NYAP1: variants seen among roughly 807,000 people sequenced by gnomAD.
NYAP1 encodes the protein neuronal tyrosine phosphorylated phosphoinositide-3-kinase adaptor 1.
Under a neutral mutation model 58.6 loss-of-function variants are expected in NYAP1, and 20 were observed. That is an observed-to-expected ratio of 0.34 (90% CI 0.24 to 0.50). The LOEUF is 0.50. NYAP1 is among the 20% of genes least tolerant of loss of function. The pLI is 0.98. For synonymous variants in NYAP1, 572 were observed against 523.1 expected (o/e 1.09, Z -1.27); for missense variants, 1,150 against 1,194.5 (o/e 0.96, Z 0.55).
In NYAP1 at chr7:100,487,989, A is replaced by G. The variant is rs1209634249; in HGVS notation, c.431-163A>G. 3.3e-5 allele frequency among the ~76,000 whole-genome samples: 5 copies of G among 152,318 alleles called. 1 individual carries two copies. Among genetic ancestry groups the G allele is most frequent in the African/African-American group, 1.2e-4 (5 of 41,562 alleles). On this transcript the variant is annotated intron_variant, in intron 3 of 6. Transcript: ENST00000300179. This position sits in a 1 kb window ranked among gnomAD's most constrained non-coding sequence, Gnocchi z 4.1. ...AAGACCCATCTCTATTAAAAAATAAAAAAGAAATGAAGAAACCTCCTGGGG... is the reference window on the plus strand; with the variant it reads ...AAGACCCATCTCTATTAAAAAATAAGAAAGAAATGAAGAAACCTCCTGGGG...
chr7:100,489,420 C>T lies in NYAP1; in HGVS notation c.1699C>T (p.Leu567Phe). The change falls in exon 4 of 7, where the codon CTC becomes TTC. Residue 567 changes from leucine (L) to phenylalanine (F), a missense_variant. By Grantham distance (22) the Leu-to-Phe change is conservative. Transcript: ENST00000300179. ...GLKRPPAYES[L>F]KAGGVLNKGC... The stretch of plus-strand genomic sequence containing the variant: ...CAAGAGACCCCCTGCCTATGAGAGC[C>T]TCAAGGCTGGGGGGGTGCTGAATAA... 6.2e-7 allele frequency: 1 copy of T among 1,612,988 alleles called. No individual in the cohort carries two copies. Among genetic ancestry groups the T allele is most frequent in the Non-Finnish European group, 8.5e-7 (1 of 1,179,890 alleles).
At chr7:100,493,041 C>T (rs1242313722) in intron 6 of NYAP1, among the ~76,000 whole-genome samples, 1 of 151,886 alleles carries the variant, frequency 6.6e-6, no homozygotes, top group African/African-American at 2.4e-5. Context: ...AGGGAGGGAC[C>T]TTGTCTACCC....
Position 100,488,108 on chromosome 7 carries a change from T to G in NYAP1, c.431-44T>G, listed in dbSNP as rs374679378. On this transcript the variant is annotated intron_variant, in intron 3 of 6. Transcript: ENST00000300179. The surrounding 1 kb of genome is among the most constrained non-coding windows in gnomAD (Gnocchi z 5.9). ...AATGGGCTCCTCCCACTTGCTCCCC[T>G]CATTAAAAGCCTGGTTTATTTTTCT... 1 of 1,461,346 alleles carries G rather than the reference T, an allele frequency of 6.8e-7. No homozygotes were observed. Among genetic ancestry groups the G allele is most frequent in the Non-Finnish European group, 9.2e-7 (1 of 1,083,512 alleles). The allele number at this position is 1,461,346 out of a possible 1,614,324, so 90.5% of individuals were successfully genotyped here.
In NYAP1 at chr7:100,487,565, G is replaced by C. The variant is rs904289247; in HGVS notation, c.430+383G>C. On this transcript the variant is annotated intron_variant, in intron 3 of 6. Coordinates refer to ENST00000300179, the MANE Select transcript of NYAP1 (RefSeq NM_173564.4). The surrounding 1 kb of genome is among the most constrained non-coding windows in gnomAD (Gnocchi z 4.1). The stretch of plus-strand genomic sequence containing the variant: ...TGCCCAGGCAGGAGTGCAGTGGTGC[G>C]ATCTCAGCTCACTGCATCCTCCGCC... 6.6e-6 allele frequency among the ~76,000 whole-genome samples: 1 copy of C among 152,058 alleles called. No homozygotes were observed.
Position 100,493,722 on chromosome 7 carries a change from T to A in NYAP1, c.2345T>A (p.Val782Glu). ...GAGCGTGACGGGAAGCTGCTGGAGG[T>A]GATCGAGCGCAAGCGCTGCGTGTGC... ...ARERDGKLLE[V>E]IERKRCVCKE... is the part of the protein sequence containing the mutation. The change falls in exon 7 of 7, where the codon GTG (valine) becomes GAG (glutamate). Residue 782 changes from valine to glutamate, a missense_variant. Coordinates refer to ENST00000300179, the MANE Select transcript of NYAP1 (RefSeq NM_173564.4). 6.2e-7 allele frequency: 1 copy of A among 1,600,900 alleles called. No homozygotes were observed. The highest frequency in any genetic ancestry group is 8.5e-7 in the Non-Finnish European group (1 of 1,176,988).
rs959739987 is a variant in NYAP1 at position 100,488,932 on chromosome 7, G to T, written c.1211G>T (p.Arg404Leu). The change falls in exon 4 of 7, where the codon CGG becomes CTG. Residue 404 changes from arginine to leucine, a missense_variant. Coordinates refer to ENST00000300179, the MANE Select transcript of NYAP1 (RefSeq NM_173564.4). This position sits in a 1 kb window ranked among gnomAD's most constrained non-coding sequence, Gnocchi z 5.9. ...CTGCTGGGACCATCGGGCCGGGCCCGGAGCCACTCGACACCGTTGCCACCC... is the reference window on the plus strand; with the variant it reads ...CTGCTGGGACCATCGGGCCGGGCCCTGAGCCACTCGACACCGTTGCCACCC... Reference protein sequence around the residue: ...LLLLGPSGRARSHSTPLPPQG... With the variant: ...LLLLGPSGRALSHSTPLPPQG... 1.9e-6 allele frequency: 3 copies of T among 1,573,962 alleles called. No homozygotes were observed. Among genetic ancestry groups the T allele is most frequent in the Non-Finnish European group, 2.6e-6 (3 of 1,167,150 alleles).
Position 100,491,058 on chromosome 7 carries a change from C to T in NYAP1, c.2231C>T (p.Pro744Leu). ...SGVRQVVLHT[P>L]RPCSQPRDAL... The stretch of plus-strand genomic sequence containing the variant: ...GTCCGGCAGGTCGTGCTCCACACAC[C>T]CCGGCCCTGCAGCCAGCCCAGGGAT... The change falls in exon 6 of 7, where the codon CCC becomes CTC. Residue 744 changes from proline to leucine, a missense_variant. Pro to Leu is a moderately conservative substitution (Grantham distance 98). Coordinates refer to ENST00000300179, the MANE Select transcript of NYAP1 (RefSeq NM_173564.4). The T allele has an allele frequency of 2.6e-6, 4 of 1,559,446 alleles. No homozygotes were observed. The highest frequency in any genetic ancestry group is 2.4e-5 in the South Asian group (2 of 84,578).
In NYAP1 at chr7:100,494,152, G is replaced by T. The variant is rs1185169537; in HGVS notation, c.*249G>T. 2.2e-6 allele frequency: 1 copy of T among 458,432 alleles called. No individual in the cohort carries two copies. The highest frequency in any genetic ancestry group is 2.1e-5 in the African/African-American group (1 of 48,550). The allele number at this position is 458,432 out of a possible 1,614,324, so 28.4% of individuals were successfully genotyped here. On this transcript the variant is annotated 3_prime_UTR_variant, in exon 7 of 7. Transcript: ENST00000300179. The stretch of plus-strand genomic sequence containing the variant: ...TGAGGTTGGGGCGAGAGTCGCTCTG[G>T]CTGTTCTTCCCGCTGGGCGTTGTAC...
Position 100,489,283 on chromosome 7 carries a change from C to T in NYAP1, c.1562C>T (p.Ala521Val), listed in dbSNP as rs1303967488. 6.3e-7 allele frequency: 1 copy of T among 1,599,290 alleles called. No individual in the cohort carries two copies. The highest frequency in any genetic ancestry group is 8.5e-7 in the Non-Finnish European group (1 of 1,173,826). ...TSPHGGAMGA[A>V]AGVLHHRGCL... ...CCCCACGGTGGGGCCATGGGCGCAG[C>T]AGCTGGGGTCCTCCACCACCGCGGC... Residue 521 changes from alanine to valine, a missense_variant, in exon 4 of 7, where the codon GCA (alanine) becomes GTA (valine). Ala to Val is a moderately conservative substitution (Grantham distance 64, BLOSUM62 0). Coordinates refer to ENST00000300179, the MANE Select transcript of NYAP1 (RefSeq NM_173564.4).
In NYAP1 at chr7:100,494,007, A is replaced by AGTG; in HGVS notation, c.*105_*107dup. 1 of 1,041,450 alleles carries AGTG rather than the reference A, an allele frequency of 9.6e-7. No individual in the cohort carries two copies. Among genetic ancestry groups the AGTG allele is most frequent in the Non-Finnish European group, 1.3e-6 (1 of 764,190 alleles). The allele number at this position is 1,041,450 out of a possible 1,614,324, so 64.5% of individuals were successfully genotyped here. A position where few individuals can be genotyped will look rare whatever the true frequency, so the allele number is the denominator to read the frequency against. On this transcript the variant is annotated 3_prime_UTR_variant, in exon 7 of 7. Coordinates refer to ENST00000300179, the MANE Select transcript of NYAP1 (RefSeq NM_173564.4). ...GAGACATTGAAAGACTACGTGGGAG[A>AGTG]GTGCCAGGGAGAACCCCTGCCCTCC...
chr7:100,486,371 G>A lies in NYAP1; in HGVS notation c.69-450G>A, dbSNP rs570302921. ...GGGGCACATCCTGCATCTGGGAGAG[G>A]AGGTGTGCCGTGGGGGCAGAGGTCA... is the stretch of plus-strand genomic sequence containing the variant. On this transcript the variant is annotated intron_variant, in intron 2 of 6. Transcript: ENST00000300179. The surrounding 1 kb of genome is among the most constrained non-coding windows in gnomAD (Gnocchi z 6.2). 6.6e-6 allele frequency among the ~76,000 whole-genome samples: 1 copy of A among 152,262 alleles called. No homozygotes were observed. The highest frequency in any genetic ancestry group is 2.1e-4 in the South Asian group (1 of 4,820).
rs764233418 is a variant in NYAP1, at chr7:100,493,647, C to T, written c.2270C>T (p.Pro757Leu). The T allele has an allele frequency of 1.9e-6, 3 of 1,576,236 alleles. No homozygotes were observed. The highest frequency in any genetic ancestry group is 1.8e-4 in the Middle Eastern group (1 of 5,650). Residue 757 changes from proline (P) to leucine (L), a missense_variant and splice_region_variant, in exon 7 of 7, where the codon CCC becomes CTC. By Grantham distance (98) the Pro-to-Leu change is moderately conservative (BLOSUM62 -3). Transcript: ENST00000300179. ...CTTTCTCCCCCGCCCGCGGCACAGC[C>T]CCACCCCGCGCTGCCGCTGCCTCTG... Reference protein sequence around the residue: ...CSQPRDALSQPHPALPLPLPL... With the variant: ...CSQPRDALSQLHPALPLPLPL...
At chr7:100,484,971 G>A (rs963171931) in intron 1 of NYAP1, among the ~76,000 whole-genome samples, 6 of 152,048 alleles carry the variant, frequency 3.9e-5, no homozygotes, top group African/African-American at 9.7e-5. Flanking sequence ...GTGGTGGATC[G>A]GGATGTCTTT....
rs765454360 is a variant in NYAP1, at chr7:100,488,573, G to A, written c.852G>A (p.Thr284=). Residue 284 remains threonine, a synonymous_variant, in exon 4 of 7, where the codon ACG becomes ACA. Transcript: ENST00000300179. The surrounding 1 kb of genome is among the most constrained non-coding windows in gnomAD (Gnocchi z 5.9). ...EGRANGPPPL[T]ATSPPQQPHA... ...GGGCCAATGGCCCTCCACCATTGAC[G>A]GCAACATCCCCGCCACAACAGCCTC... 32 of 1,601,720 alleles carry A rather than the reference G, an allele frequency of 2.0e-5. No homozygotes were observed. The highest frequency in any genetic ancestry group is 2.2e-5 in the South Asian group (2 of 89,008).
Position 100,488,381 on chromosome 7 carries a change from G to T in NYAP1, c.660G>T (p.Val220=), listed in dbSNP as rs749389592. Residue 220 remains valine, a synonymous_variant, in exon 4 of 7, where the codon GTG becomes GTT. Transcript: ENST00000300179. This position sits in a 1 kb window ranked among gnomAD's most constrained non-coding sequence, Gnocchi z 5.9. ...AAGAGCCTGTGTACATTGAGATGGT[G>T]GGGGACGTCTTTAGGGGAGGAGGAC... ...AQEEPVYIEM[V]GDVFRGGGRS... 2 of 1,598,334 alleles carry T rather than the reference G, an allele frequency of 1.3e-6. No individual in the cohort carries two copies. The highest frequency in any genetic ancestry group is 1.8e-5 in the Admixed American group (1 of 56,854).
In NYAP1 at chr7:100,487,083, A is replaced by G. The variant is rs754396109; in HGVS notation, c.331A>G (p.Thr111Ala). The G allele has an allele frequency of 6.3e-7, 1 of 1,593,604 alleles. No homozygotes were observed. Among genetic ancestry groups the G allele is most frequent in the Admixed American group, 1.7e-5 (1 of 57,894 alleles). ...ASGGLTEDSSTRRPPAKPRRH... is the reference protein window; with the variant it reads ...ASGGLTEDSSARRPPAKPRRH... ...TGGGGGCCTCACAGAGGACAGCAGC[A>G]CCCGAAGACCCCCTGCCAAGCCCCG... Residue 111 changes from threonine to alanine, a missense_variant, in exon 3 of 7, where the codon ACC becomes GCC. Coordinates refer to ENST00000300179, the MANE Select transcript of NYAP1 (RefSeq NM_173564.4). This position sits in a 1 kb window ranked among gnomAD's most constrained non-coding sequence, Gnocchi z 4.1.
At position 100,487,717 on chromosome 7, in the gene NYAP1, G is replaced by A. The variant is rs1476548859; in HGVS notation, c.431-435G>A. Among the ~76,000 whole-genome samples the A allele has an allele frequency of 3.9e-5, 6 of 152,176 alleles. No individual in the cohort carries two copies. The highest frequency in any genetic ancestry group is 5.9e-5 in the Non-Finnish European group (4 of 68,030). ...AGGGTTTCGTCTTGTTGGCCAGGCT[G>A]ACAAGGCCAGGCTTGCTGGCCTCAG... is the stretch of plus-strand genomic sequence containing the variant. On this transcript the variant is annotated intron_variant, in intron 3 of 6. Coordinates refer to ENST00000300179, the MANE Select transcript of NYAP1 (RefSeq NM_173564.4). The surrounding 1 kb of genome is among the most constrained non-coding windows in gnomAD (Gnocchi z 4.1).
At position 100,493,913 on chromosome 7, in the gene NYAP1, G is replaced by C; in HGVS notation, c.*10G>C. 7.0e-7 allele frequency: 1 copy of C among 1,428,726 alleles called. No homozygotes were observed. Among genetic ancestry groups the C allele is most frequent in the Non-Finnish European group, 9.1e-7 (1 of 1,098,070 alleles). The allele number at this position is 1,428,726 out of a possible 1,614,324, so 88.5% of individuals were successfully genotyped here. On this transcript the variant is annotated 3_prime_UTR_variant, in exon 7 of 7. Coordinates refer to ENST00000300179, the MANE Select transcript of NYAP1 (RefSeq NM_173564.4). ...GGACACCGCCATCTGAGGCGGGCGG[G>C]GGGGTACCGGGGCGCCTGGACTGGG...
rs1167445006 is a variant in NYAP1 at position 100,483,975 on chromosome 7, TG to T, written c.-104del. ...CTCCTGCTCCGGGCGGAGCCCGGCATGGGGGGGCCGGCGCCCGGCAGGCCAG... is the reference window on the plus strand; with the variant it reads ...CTCCTGCTCCGGGCGGAGCCCGGCATGGGGGGCCGGCGCCCGGCAGGCCAG... On this transcript the variant is annotated 5_prime_UTR_variant, in exon 1 of 7. The change creates a premature stop within an existing upstream ORF in the 5' untranslated region. Coordinates refer to ENST00000300179, the MANE Select transcript of NYAP1 (RefSeq NM_173564.4). This position sits in a 1 kb window ranked among gnomAD's most constrained non-coding sequence, Gnocchi z 4.2. The T allele has an allele frequency of 2.0e-5, 3 of 152,330 alleles. No homozygotes were observed. Among genetic ancestry groups the T allele is most frequent in the Non-Finnish European group, 2.9e-5 (2 of 68,608 alleles). 9.4% of individuals were successfully genotyped at this position (152,330 alleles called of 1,614,324 possible). A position where few individuals can be genotyped will look rare whatever the true frequency, so the allele number is the denominator to read the frequency against.
Sources: gnomAD v4.1 joint callset for allele counts (sites outside exome capture counted in the v4.1 genomes callset) on GRCh38, gnomAD v4.1.1 for gene constraint, Gnocchi (gnomAD v3.1) non-coding constraint, MANE v1.5 for transcripts, NCBI Gene and HGNC (gene_info 2026-07-23, HGNC 2026-07-21) for gene names.